The following DPP4 variants were observed in gnomAD, a reference collection of about 807,000 sequenced individuals.
The protein encoded by DPP4 is ADCP-2.
Under a neutral mutation model 122.4 loss-of-function variants are expected in DPP4, and 93 were observed. That is an observed-to-expected ratio of 0.76 (90% confidence interval 0.64 to 0.90). DPP4 has a LOEUF of 0.90. Among genes scored for constraint, DPP4 ranks in the 40% least tolerant of loss-of-function variants. DPP4 has a pLI of 0.00. For synonymous variants in DPP4, 321 were observed against 302.9 expected (o/e 1.06, Z -0.62); for missense variants, 914 against 907.3 (o/e 1.01, Z -0.09).
intron 2 of DPP4, among the ~76,000 whole-genome samples, chr2:162,048,333 G>A (rs1684260683): frequency 6.6e-6 from 1 of 151,722 alleles, no homozygotes; most frequent in South Asian, 2.1e-4. Context: ...TTTTTTTTCT[G>A]GGTATCCCTG....
chr2:162,020,715 C>G (rs747565511), intron 12 of DPP4, 27 bp from the exon 13 acceptor site: 14 of 1,538,656 alleles, frequency 9.1e-6, no homozygotes, highest in Non-Finnish European at 1.2e-5. Context: ...AACAAAAGAA[C>G]ATTAAAGCAC....
At chr2:162,031,982 CT>C (rs1381547842) in intron 10 of DPP4, 4 of 152,156 alleles carry the variant, frequency 2.6e-5, no homozygotes, top group Non-Finnish European at 2.9e-5. Context: ...GATTTTCCCC[CT>C]GAATGAATGG....
rs557366457 is a variant in DPP4 at position 162,057,767 on chromosome 2, T to C, written c.95-10266A>G. On this transcript the variant is annotated intron_variant, in intron 2 of 25. Transcript: ENST00000360534. ...TTCATATTAAATCTCTCTGCTGAAA[T>C]ATCTAGTGTGATTTCTTTTTTTTGA... Among the ~76,000 whole-genome samples the C allele has an allele frequency of 7.2e-5, 11 of 152,280 alleles. 1 individual carries two copies. Among genetic ancestry groups the C allele is most frequent in the African/African-American group, 2.4e-4 (10 of 41,550 alleles).
At chr2:161,998,282 G>C (rs151164906) in intron 23 of DPP4, among the ~76,000 whole-genome samples, 1 of 152,220 alleles carries the variant, frequency 6.6e-6, no homozygotes, top group Non-Finnish European at 1.5e-5. Flanking sequence ...CTTGAGTACT[G>C]ACCGTAAACA....
At chr2:162,013,730 G>A (rs796116092) in intron 19 of DPP4, among the ~76,000 whole-genome samples, 2 of 152,238 alleles carry the variant, frequency 1.3e-5, no homozygotes, top group Non-Finnish European at 2.9e-5. Flanking sequence ...ATGCAAGCCA[G>A]GACAGGAAGA....
At chr2:162,050,183 T>C (rs1684334006) in intron 2 of DPP4, among the ~76,000 whole-genome samples, 1 of 152,200 alleles carries the variant, frequency 6.6e-6, no homozygotes, top group Non-Finnish European at 1.5e-5. Context: ...CTTTCATGCA[T>C]CAAATAGTTA....
chr2:162,048,219 C>T (rs533635173), intron 2 of DPP4, among the ~76,000 whole-genome samples: 1 of 152,272 alleles, frequency 6.6e-6, no homozygotes, highest in South Asian at 2.1e-4. Context: ...TTTCTATATT[C>T]TACCACTGGT....
intron 2 of DPP4, among the ~76,000 whole-genome samples, chr2:162,069,459 T>C (rs1373007889): frequency 6.6e-6 from 1 of 152,238 alleles, no homozygotes; most frequent in Non-Finnish European, 1.5e-5. Context: ...TGAGTAGTCT[T>C]CATTTTCTCT....
chr2:162,028,216 G>A (rs1683410734), intron 10 of DPP4, among the ~76,000 whole-genome samples: 1 of 152,170 alleles, frequency 6.6e-6, no homozygotes, highest in Non-Finnish European at 1.5e-5. Context: ...ACAAAAATTA[G>A]TCAGGCATGG....
intron 25 of DPP4, among the ~76,000 whole-genome samples, chr2:161,994,246 C>A (rs997478770): frequency 3.3e-5 from 5 of 152,204 alleles, no homozygotes; most frequent in African/African-American, 1.2e-4. Flanking sequence ...AAGTAACTGT[C>A]CCACTCCTGT....
chr2:162,065,373 A>G (rs1402055322), intron 2 of DPP4, among the ~76,000 whole-genome samples: 1 of 152,198 alleles, frequency 6.6e-6, no homozygotes, highest in Admixed American at 6.5e-5. Flanking sequence ...CATACTGGAG[A>G]TCAAAAGACA....
intron 7 of DPP4, 73 bp downstream of exon 7, chr2:162,038,876 A>G (rs376538708): frequency 1.4e-5 from 18 of 1,303,132 alleles, no homozygotes; most frequent in South Asian, 1.3e-4. Context: ...TCTGCTTTGT[A>G]TCAGGGTTAG....
chr2:162,052,048 A>G (rs1684400518), intron 2 of DPP4, among the ~76,000 whole-genome samples: 1 of 152,020 alleles, frequency 6.6e-6, no homozygotes, highest in African/African-American at 2.4e-5. Flanking sequence ...GGCCAGGTGC[A>G]GCAGCTCACA....
chr2:162,033,789 A>G, intron 9 of DPP4, 136 bp from the exon 10 acceptor site: 5 of 536,654 alleles, frequency 9.3e-6, no homozygotes, highest in Non-Finnish European at 1.6e-5. Context: ...CAACAATTTA[A>G]TATACATAAA....
chr2:162,045,804 C>T (rs1226812954), intron 4 of DPP4, among the ~76,000 whole-genome samples, 192 bp from the exon 5 acceptor site: 1 of 152,106 alleles, frequency 6.6e-6, no homozygotes. Context: ...GTTAGAAAGC[C>T]AGAAAGGGAA....
chr2:161,998,225 AGAC>A (rs1701054255), intron 23 of DPP4, among the ~76,000 whole-genome samples: 1 of 152,188 alleles, frequency 6.6e-6, no homozygotes, highest in African/African-American at 2.4e-5. Flanking sequence ...TCTCCCTAAA[AGAC>A]AGTTTTGCGC....
chr2:162,022,282 A>C (rs954481399), intron 12 of DPP4, among the ~76,000 whole-genome samples: 6 of 152,224 alleles, frequency 3.9e-5, no homozygotes, highest in Non-Finnish European at 4.4e-5. Flanking sequence ...ATAAGCCTGC[A>C]AGTATGATTT....
chr2:162,069,254 C>A (rs1191246565), intron 2 of DPP4, among the ~76,000 whole-genome samples: 1 of 152,154 alleles, frequency 6.6e-6, no homozygotes, highest in African/African-American at 2.4e-5. Context: ...AAGCCCTCAG[C>A]CCCAAATTTA....
intron 4 of DPP4, among the ~76,000 whole-genome samples, chr2:162,045,979 C>T (rs747010453): frequency 1.3e-4 from 19 of 151,940 alleles, no homozygotes; most frequent in Non-Finnish European, 2.1e-4. Context: ...TTGTGGGGGG[C>T]GCTGGTGTCA....
Sources: allele counts gnomAD v4.1 joint callset (sites outside exome capture counted in the v4.1 genomes callset), GRCh38; gene constraint gnomAD v4.1.1; transcripts MANE v1.5; gene names NCBI Gene and HGNC (gene_info 2026-07-23, HGNC 2026-07-21).